Variants in ZBED4 observed in about 807,000 individuals in gnomAD.
The protein encoded by ZBED4 is zinc finger BED-type containing 4, also known as zinc finger BED domain-containing protein 4.
ZBED4 carries 4 observed loss-of-function variants against 15.5 expected under a neutral mutation model. The ratio of observed to expected loss-of-function variants is 0.26; its 90% CI spans 0.13 to 0.59. The LOEUF (loss-of-function observed/expected upper bound fraction) is 0.59, where lower values mean the gene tolerates loss of function less well. Among genes scored for constraint, ZBED4 ranks in the 20% least tolerant of loss-of-function variants. The pLI is 0.90. For synonymous variants in ZBED4, 692 were observed against 608.5 expected, an observed-to-expected ratio of 1.14 and a Z score of -2.02; for missense variants, 1,323 against 1,461.8, an observed-to-expected ratio of 0.91 and a Z score of 1.55.
intron 1 of ZBED4, among the ~76,000 whole-genome samples, chr22:49,858,622 G>A (rs1354845994): frequency 6.6e-6 from 1 of 152,164 alleles, no homozygotes; most frequent in East Asian, 1.9e-4. Flanking sequence ...GAAGGAAACT[G>A]CAGATATCTG....
chr22:49,878,335 T>C (rs960245491), intron 1 of ZBED4, among the ~76,000 whole-genome samples: 2 of 144,836 alleles, frequency 1.4e-5, no homozygotes, highest in Non-Finnish European at 3.0e-5. Flanking sequence ...CATACAGAGA[T>C]AGGCTTTCAT....
At position 49,884,160 on chromosome 22, in the gene ZBED4, G is replaced by C. The variant is rs141158718; in HGVS notation, c.498G>C (p.Pro166=). The C allele has an allele frequency of 3.7e-6, 6 of 1,613,016 alleles. No individual in the cohort carries two copies. Among genetic ancestry groups the C allele is most frequent in the Non-Finnish European group, 5.1e-6 (6 of 1,179,528 alleles). Residue 166 remains proline (P), a synonymous_variant, in exon 2 of 2, where the codon CCG becomes CCC. Transcript: ENST00000216268. ...TGAGGCACGTGAGGCGCGCACACCCGACCGTGCTCATTCAGGAAAATGGCA... is the reference window on the plus strand; with the variant it reads ...TGAGGCACGTGAGGCGCGCACACCCCACCGTGCTCATTCAGGAAAATGGCA... ...CLMRHVRRAH[P]TVLIQENGSV... is the part of the protein sequence containing the mutation.
At chr22:49,858,433 T>C (rs2060283750) in intron 1 of ZBED4, among the ~76,000 whole-genome samples, 1 of 152,212 alleles carries the variant, frequency 6.6e-6, no homozygotes, top group African/African-American at 2.4e-5. Context: ...CCTCCCTGGG[T>C]ATACTCGACA....
rs942067514 is a variant in ZBED4, at chr22:49,865,404, C to T, written c.-330+11415C>T. 2.0e-5 allele frequency among the ~76,000 whole-genome samples: 3 copies of T among 152,178 alleles called. No individual in the cohort carries two copies. In the South Asian group the frequency reaches 6.2e-4, roughly 32 times the overall value. Reference sequence around the variant, plus strand: ...GTGGCTCACGCCTCTAATCCCAGCACTTCGGGGGCTAAGGCGGGCGGAACT... The same window carrying T: ...GTGGCTCACGCCTCTAATCCCAGCATTTCGGGGGCTAAGGCGGGCGGAACT... On this transcript the variant is annotated intron_variant, in intron 1 of 1. Coordinates refer to ENST00000216268, the MANE Select transcript of ZBED4 (RefSeq NM_014838.3).
chr22:49,866,753 A>T (rs1232729867), intron 1 of ZBED4, among the ~76,000 whole-genome samples: 1 of 152,126 alleles, frequency 6.6e-6, no homozygotes, highest in African/African-American at 2.4e-5. Context: ...GTTGCCTATT[A>T]TATTAGTTTT....
chr22:49,887,297 G>A lies in ZBED4; in HGVS notation c.*119G>A. ...CGACATCAGACCAGGCACTCTCAGG[G>A]CCGCTCTCCAGCTCACCACAGTGTC... On this transcript the variant is annotated 3_prime_UTR_variant, in exon 2 of 2. Coordinates refer to ENST00000216268, the MANE Select transcript of ZBED4 (RefSeq NM_014838.3). 1.8e-6 allele frequency: 2 copies of A among 1,108,074 alleles called. No homozygotes were observed. Among genetic ancestry groups the A allele is most frequent in the Non-Finnish European group, 2.6e-6 (2 of 778,542 alleles). The allele number at this position is 1,108,074 out of a possible 1,614,324, so 68.6% of individuals were successfully genotyped here. A position where few individuals can be genotyped will look rare whatever the true frequency, so the allele number is the denominator to read the frequency against.
chr22:49,886,196 TG>T lies in ZBED4; in HGVS notation c.2536del (p.Val846CysfsTer5). The T allele has an allele frequency of 1.3e-6, 1 of 741,580 alleles. No individual in the cohort carries two copies. Among genetic ancestry groups the T allele is most frequent in the Non-Finnish European group, 2.4e-6 (1 of 420,118 alleles). The allele number at this position is 741,580 out of a possible 1,614,324, so 45.9% of individuals were successfully genotyped here. ...IVSEAIKSQR[M>X]VQNLLSLARK... ...AGCGAGGCCATTAAGAGCCAGCGGATGGTGCAGAACCTGCTGAGCCTCGCCC... is the reference window on the plus strand; with the variant it reads ...AGCGAGGCCATTAAGAGCCAGCGGATGTGCAGAACCTGCTGAGCCTCGCCC... On this transcript the variant is annotated frameshift_variant, in exon 2 of 2. Transcript: ENST00000216268. LOFTEE classifies it high-confidence loss of function. This position sits in a 1 kb window ranked among gnomAD's most constrained non-coding sequence, Gnocchi z 7.7.
chr22:49,885,562 G>A lies in ZBED4; in HGVS notation c.1900G>A (p.Glu634Lys). 6.2e-7 allele frequency: 1 copy of A among 1,603,898 alleles called. No individual in the cohort carries two copies. The highest frequency in any genetic ancestry group is 8.5e-7 in the Non-Finnish European group (1 of 1,171,920). ...GGACACCCGGGTGCCGCGGGGCACA[G>A]AATTATCAGGCGCTTCCTCTTTTGA... ...SPDTRVPRGTELSGASSFDDT... is the reference protein window; with the variant it reads ...SPDTRVPRGTKLSGASSFDDT... The change falls in exon 2 of 2, where the codon GAA becomes AAA. Residue 634 changes from glutamate (E) to lysine (K), a missense_variant. Physicochemically the swap from Glu to Lys is moderately conservative, Grantham distance 56 (BLOSUM62 1). This residue lies in a region of ZBED4 where 429 missense variants were observed against 397.9 expected (regional missense o/e 1.08). Transcript: ENST00000216268.
chr22:49,883,765 G>A lies in ZBED4; in HGVS notation c.103G>A (p.Asp35Asn). 6.2e-7 allele frequency: 1 copy of A among 1,613,246 alleles called. No individual in the cohort carries two copies. Among genetic ancestry groups the A allele is most frequent in the Non-Finnish European group, 8.5e-7 (1 of 1,179,272 alleles). Reference sequence around the variant, plus strand: ...GGAAGATGATGATGGAATTCCTCCTGATAGTTTGGAAAGAATGGACTTTAA... The same window carrying A: ...GGAAGATGATGATGGAATTCCTCCTAATAGTTTGGAAAGAATGGACTTTAA... ...EEEDDDGIPP[D>N]SLERMDFKSE... The change falls in exon 2 of 2, where the codon GAT becomes AAT. Residue 35 changes from aspartate (D) to asparagine (N), a missense_variant. Around this residue, in one of 6 missense-constraint regions of ZBED4, gnomAD observed 380 missense variants for 413.7 expected, o/e 0.92. Transcript: ENST00000216268.
At chr22:49,864,793 C>G in intron 1 of ZBED4, among the ~76,000 whole-genome samples, 1 of 128,454 alleles carries the variant, frequency 7.8e-6, no homozygotes, top group East Asian at 2.3e-4. Flanking sequence ...GCACTCCAGC[C>G]TGAGCGCCAG....
chr22:49,889,950 G>A lies in ZBED4; in HGVS notation c.*2772G>A, dbSNP rs1046896184. 6.0e-6 allele frequency: 1 copy of A among 167,046 alleles called. No homozygotes were observed. Among genetic ancestry groups the A allele is most frequent in the African/African-American group, 2.4e-5 (1 of 41,436 alleles). 10.3% of individuals were successfully genotyped at this position (167,046 alleles called of 1,614,324 possible). On this transcript the variant is annotated 3_prime_UTR_variant, in exon 2 of 2. Coordinates refer to ENST00000216268, the MANE Select transcript of ZBED4 (RefSeq NM_014838.3). ...TGTCTCAGATAATAAAAAGCTCTTTGTATGAGCCTCAGAACTGTCTCTTCA... is the reference window on the plus strand; with the variant it reads ...TGTCTCAGATAATAAAAAGCTCTTTATATGAGCCTCAGAACTGTCTCTTCA...
intron 1 of ZBED4, among the ~76,000 whole-genome samples, chr22:49,859,570 A>G (rs1377430385): frequency 6.6e-6 from 1 of 152,120 alleles, no homozygotes; most frequent in African/African-American, 2.4e-5. Flanking sequence ...TAGTGCAGAA[A>G]GGCATCTGGA....
Position 49,887,273 on chromosome 22 carries a change from G to A in ZBED4, c.*95G>A, listed in dbSNP as rs1052399202. On this transcript the variant is annotated 3_prime_UTR_variant, in exon 2 of 2. Transcript: ENST00000216268. ...ACCCGCTCTGCCCACGGCTGTGTAC[G>A]ACATCAGACCAGGCACTCTCAGGGC... The A allele has an allele frequency of 7.1e-5, 96 of 1,348,490 alleles. No individual in the cohort carries two copies. Among genetic ancestry groups the A allele is most frequent in the East Asian group, 3.3e-4 (14 of 42,266 alleles). The allele number at this position is 1,348,490 out of a possible 1,614,324, so 83.5% of individuals were successfully genotyped here. A position where few individuals can be genotyped will look rare whatever the true frequency, so the allele number is the denominator to read the frequency against.
At chr22:49,859,442 C>G (rs944799840) in intron 1 of ZBED4, among the ~76,000 whole-genome samples, 1 of 152,120 alleles carries the variant, frequency 6.6e-6, no homozygotes, top group African/African-American at 2.4e-5. Flanking sequence ...CCCCTGTGTC[C>G]TTTTCACTCC....
chr22:49,868,976 T>G (rs2060333479), intron 1 of ZBED4, among the ~76,000 whole-genome samples: 1 of 140,144 alleles, frequency 7.1e-6, no homozygotes, highest in South Asian at 2.2e-4. Context: ...AAAAAAAAAT[T>G]AGCTGGGTGT....
At chr22:49,861,443 G>C (rs971166565) in intron 1 of ZBED4, among the ~76,000 whole-genome samples, 2 of 151,844 alleles carry the variant, frequency 1.3e-5, no homozygotes, top group African/African-American at 4.8e-5. Context: ...CACCTGACCT[G>C]TTTGTTTTGA....
rs139228464 is a variant in ZBED4 at position 49,884,670 on chromosome 22, C to T, written c.1008C>T (p.Arg336=). 2.7e-5 allele frequency: 44 copies of T among 1,609,608 alleles called. No homozygotes were observed. Among genetic ancestry groups the T allele is most frequent in the East Asian group, 8.9e-5 (4 of 44,830 alleles). The change falls in exon 2 of 2, where the codon CGC becomes CGT. Residue 336 remains arginine (R), a synonymous_variant. Transcript: ENST00000216268. ...TCAGGCACATGTGGAGGGCACACCG[C>T]GCCATCGTGTTGCAGGAGAACGGGG... ...CLIRHMWRAH[R]AIVLQENGGT...
Position 49,886,623 on chromosome 22 carries a change from G to T in ZBED4, c.2961G>T (p.Glu987Asp). ...GIDTMLRSLK[E>D]AMVSRLSATL... ...ACACCATGCTGCGCTCTCTGAAGGA[G>T]GCCATGGTGAGCCGCCTGTCTGCCA... Residue 987 changes from glutamate (E) to aspartate (D), a missense_variant, in exon 2 of 2, where the codon GAG becomes GAT. Transcript: ENST00000216268. This position sits in a 1 kb window ranked among gnomAD's most constrained non-coding sequence, Gnocchi z 7.7. The T allele has an allele frequency of 3.2e-6, 5 of 1,581,572 alleles. No homozygotes were observed. The highest frequency in any genetic ancestry group is 4.3e-6 in the Non-Finnish European group (5 of 1,164,760).
At chr22:49,870,971 C>T (rs1345939586) in intron 1 of ZBED4, among the ~76,000 whole-genome samples, 1 of 145,880 alleles carries the variant, frequency 6.9e-6, no homozygotes, top group Admixed American at 6.8e-5. Flanking sequence ...GATGGAGTCT[C>T]ACTCTGTTAC....
Sources: gnomAD v4.1 joint callset for allele counts (sites outside exome capture counted in the v4.1 genomes callset) on GRCh38, gnomAD v4.1.1 for gene constraint, gnomAD v4.1.1 regional missense constraint, Gnocchi (gnomAD v3.1) non-coding constraint, MANE v1.5 for transcripts, NCBI Gene and HGNC (gene_info 2026-07-23, HGNC 2026-07-21) for gene names.